Variants in WDFY2 observed in about 807,000 individuals in gnomAD.
WDFY2 encodes WD repeat and FYVE domain-containing protein 2.
WDFY2 carries 36 observed loss-of-function variants against 56.4 expected under a neutral mutation model. The ratio of observed to expected loss-of-function variants is 0.64; its 90% CI spans 0.49 to 0.84. The LOEUF (loss-of-function observed/expected upper bound fraction) is 0.84, where lower values mean the gene tolerates loss of function less well. WDFY2 is among the 40% of genes least tolerant of loss of function. The probability of loss-of-function intolerance (pLI) is 0.00; values close to 1 mark genes in which losing one functional copy is unlikely to be tolerated. For synonymous variants in WDFY2, 176 were observed against 183.7 expected (o/e 0.96, Z 0.34); for missense variants, 444 against 512.2 (o/e 0.87, Z 1.29).
intron 4 of WDFY2, among the ~76,000 whole-genome samples, chr13:51,711,240 A>G (rs954979800): frequency 6.6e-6 from 1 of 152,266 alleles, no homozygotes; most frequent in Non-Finnish European, 1.5e-5. Flanking sequence ...AGCCATATGT[A>G]GAAAACTGAA....
intron 10 of WDFY2, chr13:51,756,765 C>T (rs138485441): frequency 1.9e-6 from 1 of 533,466 alleles, no homozygotes; most frequent in East Asian, 1.5e-4. Context: ...TTGAGAATTA[C>T]CCAGGAGTAT....
At chr13:51,642,231 A>G (rs866580529) in intron 1 of WDFY2, among the ~76,000 whole-genome samples, 16 of 152,176 alleles carry the variant, frequency 1.1e-4, no homozygotes, top group Middle Eastern at 3.4e-3. Context: ...TACAATTTAT[A>G]TATTCTTTCT....
At chr13:51,586,064 C>G (rs1390646327) in intron 1 of WDFY2, 2 of 398,414 alleles carry the variant, frequency 5.0e-6, no homozygotes, top group African/African-American at 4.1e-5. Flanking sequence ...CAGTGGCAAG[C>G]ATTCTGCAAT....
chr13:51,660,363 A>AT lies in WDFY2; in HGVS notation c.138-218dup, dbSNP rs757283890. ...AGGCGCACACCACTACTCTCAGCTA[A>AT]TTTTTTTTTTTTTTTCAGTAGAGAC... On this transcript the variant is annotated intron_variant, in intron 1 of 11. Transcript: ENST00000298125. 3.7e-3 allele frequency among the ~76,000 whole-genome samples: 515 copies of AT among 138,614 alleles called. 1 individual carries two copies. The highest frequency in any genetic ancestry group is 0.023 in the East Asian group (110 of 4,800). 90.9% of individuals were successfully genotyped at this position (138,614 alleles called of 152,430 possible). A position where few individuals can be genotyped will look rare whatever the true frequency, so the allele number is the denominator to read the frequency against.
chr13:51,681,514 G>A (rs1254273225), intron 3 of WDFY2, among the ~76,000 whole-genome samples: 1 of 152,080 alleles, frequency 6.6e-6, no homozygotes, highest in Non-Finnish European at 1.5e-5. Context: ...TTATGATTCT[G>A]TCATTATACC....
At chr13:51,685,159 C>T (rs1030140391) in intron 3 of WDFY2, among the ~76,000 whole-genome samples, 2 of 152,166 alleles carry the variant, frequency 1.3e-5, no homozygotes, top group African/African-American at 4.8e-5. Context: ...CTTTAAGCCC[C>T]AAACCCATTC....
At position 51,655,090 on chromosome 13, in the gene WDFY2, C is replaced by T. The variant is rs147795136; in HGVS notation, c.138-5506C>T. ...CTTAATTAATTTAATTAGCTTCAGT[C>T]GTTTTTTCTTGAGTGGATTATTTAG... is the stretch of plus-strand genomic sequence containing the variant. On this transcript the variant is annotated intron_variant, in intron 1 of 11. Transcript: ENST00000298125. Among the ~76,000 whole-genome samples, 4 of 152,206 alleles carry T rather than the reference C, an allele frequency of 2.6e-5. No homozygotes were observed. The East Asian group carries it at 5.8e-4, about 22-fold the overall frequency.
chr13:51,639,562 C>T (rs972827516), intron 1 of WDFY2, among the ~76,000 whole-genome samples: 4 of 151,488 alleles, frequency 2.6e-5, no homozygotes, highest in African/African-American at 9.7e-5. Flanking sequence ...CAAAACATAT[C>T]AGATTTATTT....
intron 3 of WDFY2, among the ~76,000 whole-genome samples, chr13:51,683,107 A>G (rs1241124010): frequency 6.6e-6 from 1 of 152,210 alleles, no homozygotes; most frequent in Non-Finnish European, 1.5e-5. Context: ...AGTACTGAAG[A>G]TGCTCTGAAT....
rs185698303 is a variant in WDFY2 at position 51,613,901 on chromosome 13, A to G, written c.137+29077A>G. On this transcript the variant is annotated intron_variant, in intron 1 of 11. Coordinates refer to ENST00000298125, the MANE Select transcript of WDFY2 (RefSeq NM_052950.4). ...TTAAAATTAAGTATGTCTGTGAATA[A>G]GGCCAGGCGTCCCATGTAATCATGC... Among the ~76,000 whole-genome samples, 303 of 152,302 alleles carry G rather than the reference A, an allele frequency of 2.0e-3. 1 individual carries two copies. Among genetic ancestry groups the G allele is most frequent in the African/African-American group, 7.0e-3 (293 of 41,568 alleles).
At chr13:51,592,914 G>A (rs1006079909) in intron 1 of WDFY2, among the ~76,000 whole-genome samples, 1 of 152,176 alleles carries the variant, frequency 6.6e-6, no homozygotes, top group African/African-American at 2.4e-5. Flanking sequence ...CTTGAGGCCA[G>A]GAGTTCAAGA....
chr13:51,584,582 G>C lies in WDFY2; in HGVS notation c.-106G>C. 7.1e-7 allele frequency: 1 copy of C among 1,407,362 alleles called. No individual in the cohort carries two copies. The highest frequency in any genetic ancestry group is 1.5e-5 in the South Asian group (1 of 68,024). 87.2% of individuals were successfully genotyped at this position (1,407,362 alleles called of 1,614,324 possible). On this transcript the variant is annotated 5_prime_UTR_variant, in exon 1 of 12. Coordinates refer to ENST00000298125, the MANE Select transcript of WDFY2 (RefSeq NM_052950.4). ...CGCCGGTTTCCGGCGTTCCGCTCCGGCCAGCCAGAGTCTCTGTCTCAACCT... is the reference window on the plus strand; with the variant it reads ...CGCCGGTTTCCGGCGTTCCGCTCCGCCCAGCCAGAGTCTCTGTCTCAACCT...
intron 1 of WDFY2, among the ~76,000 whole-genome samples, chr13:51,624,250 C>T (rs1450843367): frequency 6.6e-6 from 1 of 152,154 alleles, no homozygotes; most frequent in African/African-American, 2.4e-5. Flanking sequence ...TGTCTCAGGT[C>T]TTAACTGATT....
At chr13:51,696,400 T>G (rs1006194435) in intron 3 of WDFY2, among the ~76,000 whole-genome samples, 1 of 152,246 alleles carries the variant, frequency 6.6e-6, no homozygotes, top group Non-Finnish European at 1.5e-5. Context: ...CTAGCTACAT[T>G]TTTCTTTAAG....
chr13:51,640,506 A>T (rs949835465), intron 1 of WDFY2, among the ~76,000 whole-genome samples: 4 of 152,212 alleles, frequency 2.6e-5, no homozygotes, highest in African/African-American at 4.8e-5. Context: ...GTACATATCT[A>T]TAAAGGATAA....
rs143231368 is a variant in WDFY2, at chr13:51,708,072, A to G, written c.334+4422A>G. On this transcript the variant is annotated intron_variant, in intron 4 of 11. Transcript: ENST00000298125. ...GTAGTTCTCCTGCCTCAGCCTCCCA[A>G]CTAGCTGGGATTACAGGCACCCGCC... is the stretch of plus-strand genomic sequence containing the variant. Among the ~76,000 whole-genome samples the G allele has an allele frequency of 4.4e-3, 637 of 145,712 alleles. 13 individuals carry two copies. The East Asian group carries it at 0.062, about 14-fold the overall frequency.
chr13:51,700,135 G>A (rs1566145581), intron 3 of WDFY2, among the ~76,000 whole-genome samples: 1 of 152,028 alleles, frequency 6.6e-6, no homozygotes, highest in Admixed American at 6.6e-5. Context: ...TTTGTATAAG[G>A]GTTTAAAAAA....
chr13:51,723,681 C>T (rs2138641935), intron 5 of WDFY2, among the ~76,000 whole-genome samples: 1 of 152,304 alleles, frequency 6.6e-6, no homozygotes, highest in Middle Eastern at 3.4e-3. Flanking sequence ...CATAGAGCTT[C>T]CCATTATAAG....
chr13:51,663,081 G>A (rs1258551257), intron 2 of WDFY2, among the ~76,000 whole-genome samples: 2 of 152,134 alleles, frequency 1.3e-5, no homozygotes, highest in African/African-American at 4.8e-5. Flanking sequence ...AGGATTTTTT[G>A]AGGCCAGGAG....
Sources: gnomAD v4.1 joint callset for allele counts (sites outside exome capture counted in the v4.1 genomes callset) on GRCh38, gnomAD v4.1.1 for gene constraint, MANE v1.5 for transcripts, NCBI Gene and HGNC (gene_info 2026-07-23, HGNC 2026-07-21) for gene names.